The following CARD8 variants were observed in gnomAD, a reference collection of about 807,000 sequenced individuals.
The protein encoded by CARD8 is caspase recruitment domain family member 8.
In CARD8, 38 loss-of-function variants were observed where a neutral mutation model predicts 53.2. That is an observed-to-expected ratio of 0.71 (90% CI 0.55 to 0.94). CARD8 has a LOEUF of 0.94. Among genes scored for constraint, CARD8 ranks in the 40% least tolerant of loss-of-function variants. The probability of loss-of-function intolerance (pLI) is 0.00; values close to 1 mark genes in which losing one functional copy is unlikely to be tolerated. For missense variants in CARD8, 561 were observed against 655.5 expected, an observed-to-expected ratio of 0.86 and a Z score of 1.57; for synonymous variants, 245 against 244.9, an observed-to-expected ratio of 1.00 and a Z score of 0.00.
At chr19:48,233,201 C>A in intron 6 of CARD8, 1 of 384,062 alleles carries the variant, frequency 2.6e-6, no homozygotes, top group Non-Finnish European at 5.1e-6. Flanking sequence ...AATATGGGTT[C>A]TATGACATAC....
In CARD8 at chr19:48,230,665, G is replaced by C; in HGVS notation, c.808C>G (p.His270Asp). The C allele has an allele frequency of 1.2e-6, 2 of 1,614,022 alleles. No homozygotes were observed. The highest frequency in any genetic ancestry group is 2.7e-5 in the African/African-American group (2 of 75,014). Residue 270 changes from histidine (H) to aspartate (D), a missense_variant, in exon 10 of 14, where the codon CAT (histidine) becomes GAT (aspartate). Physicochemically the swap from His to Asp is moderately conservative, Grantham distance 81. Transcript: ENST00000651546. ...EVDVSWFLVA[H>D]FKNEGMVLEH... ...AGGACCATCCCTTCATTCTTAAAAT[G>C]GGCAACGAGAAACCAGGAGACGTCC...
intron 5 of CARD8, among the ~76,000 whole-genome samples, chr19:48,237,213 C>T (rs2044052684): frequency 6.6e-6 from 1 of 151,848 alleles, no homozygotes; most frequent in African/African-American, 2.4e-5. Flanking sequence ...TGGGAGGCCT[C>T]AGGGACGTTT....
chr19:48,210,635 GTAGAA>G lies in CARD8; in HGVS notation c.*1070_*1074del, dbSNP rs2123734229. 1 of 152,248 alleles carries G rather than the reference GTAGAA, an allele frequency of 6.6e-6. No homozygotes were observed. The highest frequency in any genetic ancestry group is 2.4e-5 in the African/African-American group (1 of 41,556). 9.4% of individuals were successfully genotyped at this position (152,248 alleles called of 1,614,324 possible). A position where few individuals can be genotyped will look rare whatever the true frequency, so the allele number is the denominator to read the frequency against. ...TTTAAGTGGTACAAATGTGATAACA[GTAGAA>G]TAGAAAAGACATAACAAACTGGCTG... On this transcript the variant is annotated 3_prime_UTR_variant, in exon 14 of 14. Transcript: ENST00000651546.
intron 3 of CARD8, 108 bp from the exon 4 acceptor site, chr19:48,241,171 C>A (rs2044965740): frequency 3.1e-6 from 2 of 639,476 alleles, no homozygotes; most frequent in Non-Finnish European, 5.4e-6. Flanking sequence ...TGCTCATTCA[C>A]AAGAGATGCA....
Position 48,211,721 on chromosome 19 carries a change from G to A in CARD8, c.1603C>T (p.Gln535Ter). The change falls in exon 14 of 14, where the codon CAG becomes TAG. Residue 535 changes from glutamine to a stop codon, truncating the protein, a stop_gained. Coordinates refer to ENST00000651546, the MANE Select transcript of CARD8 (RefSeq NM_001184900.3). LOFTEE classifies it high-confidence loss of function. ...DPYLVSYLRQ[Q>*]NL Reference sequence around the variant, plus strand: ...CTAACTGACTCATTTTACAAATTCTGCTGTCTAAGATAGGACACGAGGTAA... The same window carrying A: ...CTAACTGACTCATTTTACAAATTCTACTGTCTAAGATAGGACACGAGGTAA... 6.8e-6 allele frequency: 11 copies of A among 1,613,238 alleles called. No homozygotes were observed. Among genetic ancestry groups the A allele is most frequent in the Non-Finnish European group, 9.3e-6 (11 of 1,179,602 alleles).
At chr19:48,224,511 G>A (rs1052904818) in intron 10 of CARD8, among the ~76,000 whole-genome samples, 6 of 152,036 alleles carry the variant, frequency 3.9e-5, no homozygotes, top group African/African-American at 7.3e-5. Flanking sequence ...TGCTATTGCC[G>A]GCCATTCAAG....
rs2145651287 is a variant in CARD8, at chr19:48,219,671, T to C, written c.1162-659A>G. Among the ~76,000 whole-genome samples, 2 of 152,244 alleles carry C rather than the reference T, an allele frequency of 1.3e-5. 1 individual carries two copies. The highest frequency in any genetic ancestry group is 4.1e-4 in the South Asian group (2 of 4,828). On this transcript the variant is annotated intron_variant, in intron 11 of 13. Transcript: ENST00000651546. ...TGACTCTGAGGAGAGTTTACCTCGC[T>C]CAAGATCATCACCTCTAGGGCGGGC...
intron 1 of CARD8, among the ~76,000 whole-genome samples, chr19:48,255,006 C>T (rs1462983289): frequency 6.6e-6 from 1 of 152,244 alleles, no homozygotes; most frequent in African/African-American, 2.4e-5. Flanking sequence ...CTTCCTTTAT[C>T]TCCCTGAATA....
intron 6 of CARD8, chr19:48,233,665 C>T (rs7255191): frequency 0.043 from 11,687 of 271,232 alleles, 757 homozygotes; most frequent in African/African-American, 0.17. Flanking sequence ...GAACCCAGCG[C>T]TGAACTGCAG....
intron 10 of CARD8, among the ~76,000 whole-genome samples, chr19:48,224,955 G>T (rs111245754): frequency 6.6e-6 from 1 of 151,216 alleles, no homozygotes; most frequent in South Asian, 2.1e-4. Context: ...GGGTTTCACC[G>T]TGTTAGCCAG....
downstream of CARD8, among the ~76,000 whole-genome samples, chr19:48,207,728 T>G (rs2037419085): frequency 1.1e-5 from 1 of 89,664 alleles, no homozygotes; most frequent in African/African-American, 3.9e-5. Flanking sequence ...TTATTGTTGT[T>G]TTTCTGTTTT....
intron 11 of CARD8, among the ~76,000 whole-genome samples, chr19:48,219,961 ACT>A (rs909515599): frequency 1.6e-4 from 24 of 152,058 alleles, no homozygotes; most frequent in African/African-American, 5.6e-4. Flanking sequence ...ACAGAGTAAG[ACT>A]CTGTCTCAAA....
intron 3 of CARD8, among the ~76,000 whole-genome samples, chr19:48,245,070 T>G (rs1047448389): frequency 1.3e-5 from 2 of 152,204 alleles, no homozygotes; most frequent in Non-Finnish European, 2.9e-5. Flanking sequence ...TTCCAAAATA[T>G]TGGACAAATT....
At chr19:48,221,525 G>A (rs1034599951) in intron 11 of CARD8, among the ~76,000 whole-genome samples, 19 of 152,246 alleles carry the variant, frequency 1.2e-4, no homozygotes, top group African/African-American at 4.6e-4. Context: ...ACATAAGTAT[G>A]TCAAATACTA....
chr19:48,226,198 A>T (rs546115557), intron 10 of CARD8, among the ~76,000 whole-genome samples: 24 of 152,290 alleles, frequency 1.6e-4, no homozygotes, highest in Admixed American at 3.3e-4. Flanking sequence ...GAATTAAAAA[A>T]TTTTAATTTT....
chr19:48,230,160 T>C (rs574159616), intron 10 of CARD8, among the ~76,000 whole-genome samples: 1 of 152,242 alleles, frequency 6.6e-6, no homozygotes, highest in Admixed American at 6.5e-5. Flanking sequence ...GCATCTTCTC[T>C]GTCAGCTGGT....
At chr19:48,249,282 T>C (rs2046625039) in intron 3 of CARD8, among the ~76,000 whole-genome samples, 1 of 152,022 alleles carries the variant, frequency 6.6e-6, no homozygotes. Flanking sequence ...GTTTTAAATA[T>C]TACAGAAAAT....
At position 48,211,549 on chromosome 19, in the gene CARD8, T is replaced by C; in HGVS notation, c.*161A>G. 3 of 650,206 alleles carry C rather than the reference T, an allele frequency of 4.6e-6. No individual in the cohort carries two copies. The South Asian group carries it at 5.9e-5, about 13-fold the overall frequency. 40.3% of individuals were successfully genotyped at this position (650,206 alleles called of 1,614,324 possible). On this transcript the variant is annotated 3_prime_UTR_variant, in exon 14 of 14. Coordinates refer to ENST00000651546, the MANE Select transcript of CARD8 (RefSeq NM_001184900.3). ...GGAAAATGCATGAGGATACAGTCAA[T>C]AGGTACATGCCAGGTTACAAGTCTG... is the stretch of plus-strand genomic sequence containing the variant.
intron 13 of CARD8, 39 bp from the exon 14 acceptor site, chr19:48,212,014 C>T (rs781437480): frequency 1.3e-6 from 2 of 1,589,000 alleles, no homozygotes; most frequent in Admixed American, 3.5e-5. Context: ...GAGAATCGTT[C>T]ACTTACAGGA....
Sources: allele counts gnomAD v4.1 joint callset (sites outside exome capture counted in the v4.1 genomes callset), GRCh38; gene constraint gnomAD v4.1.1; transcripts MANE v1.5; gene names NCBI Gene and HGNC (gene_info 2026-07-23, HGNC 2026-07-21).